Variants in PARP4 observed in about 807,000 individuals in gnomAD.
PARP4 encodes protein mono-ADP-ribosyltransferase PARP4.
Under a neutral mutation model 187.7 loss-of-function variants are expected in PARP4, and 120 were observed. The ratio of observed to expected loss-of-function variants is 0.64; its 90% CI spans 0.55 to 0.74. The LOEUF (loss-of-function observed/expected upper bound fraction) is 0.74. Ranked by LOEUF, PARP4 falls within the 30% of genes least tolerant of loss-of-function variation. The probability of loss-of-function intolerance (pLI) is 0.00; values close to 1 mark genes in which losing one functional copy is unlikely to be tolerated. For missense variants in PARP4, 1,836 were observed against 2,070.5 expected (o/e 0.89, Z 2.20); for synonymous variants, 654 against 740.9 (o/e 0.88, Z 1.90).
In PARP4 at chr13:24,474,833, G is replaced by C. The variant is rs898153843; in HGVS notation, c.1914+639C>G. Among the ~76,000 whole-genome samples, 5 of 151,964 alleles carry C rather than the reference G, an allele frequency of 3.3e-5. No homozygotes were observed. In the South Asian group the frequency reaches 8.3e-4, roughly 25 times the overall value. On this transcript the variant is annotated intron_variant, in intron 15 of 33. Coordinates refer to ENST00000381989, the MANE Select transcript of PARP4 (RefSeq NM_006437.4). Reference sequence around the variant, plus strand: ...CATCTAGAAGCTTCCATTTCACTCAGAGTCAAGGACAGCATGACCTGTGTA... The same window carrying C: ...CATCTAGAAGCTTCCATTTCACTCACAGTCAAGGACAGCATGACCTGTGTA...
chr13:24,456,384 A>G lies in PARP4; in HGVS notation c.2519T>C (p.Leu840Pro). Residue 840 changes from leucine (L) to proline (P), a missense_variant, in exon 21 of 34, where the codon CTC (leucine) becomes CCC (proline). Transcript: ENST00000381989. Reference protein sequence around the residue: ...SLHIGLSAAYLPRMWVEKHPE... With the variant: ...SLHIGLSAAYPPRMWVEKHPE... Reference sequence around the variant, plus strand: ...ATGTTTTTCAACCCACATTCTTGGGAGATAGGCAGCAGACAAACCGATGTG... The same window carrying G: ...ATGTTTTTCAACCCACATTCTTGGGGGATAGGCAGCAGACAAACCGATGTG... The G allele has an allele frequency of 1.9e-6, 3 of 1,612,150 alleles. No individual in the cohort carries two copies. Among genetic ancestry groups the G allele is most frequent in the Non-Finnish European group, 2.5e-6 (3 of 1,178,752 alleles).
At chr13:24,466,496 T>C (rs1872477591) in intron 17 of PARP4, among the ~76,000 whole-genome samples, 1 of 152,076 alleles carries the variant, frequency 6.6e-6, no homozygotes, top group African/African-American at 2.4e-5. Flanking sequence ...TCAAAACTTT[T>C]TAAGAGAGAG....
At chr13:24,475,651 T>C in intron 14 of PARP4, 55 bp from the exon 15 acceptor site, 1 of 1,557,662 alleles carries the variant, frequency 6.4e-7, no homozygotes, top group East Asian at 2.3e-5. Flanking sequence ...TCTATTTTTG[T>C]TATCTTGATC....
In PARP4 at chr13:24,459,343, G is replaced by A. The variant is rs370737081; in HGVS notation, c.2299-33C>T. On this transcript the variant is annotated intron_variant, in intron 18 of 33. Coordinates refer to ENST00000381989, the MANE Select transcript of PARP4 (RefSeq NM_006437.4). ...AAGAAAAATACATTTGTATAACTAA[G>A]CATATATTAAGTTTCACAATGAGAC... is the stretch of plus-strand genomic sequence containing the variant. 7 of 1,490,534 alleles carry A rather than the reference G, an allele frequency of 4.7e-6. No individual in the cohort carries two copies. The African/African-American group carries it at 7.1e-5, about 15-fold the overall frequency. 92.3% of individuals were successfully genotyped at this position (1,490,534 alleles called of 1,614,324 possible).
rs538079710 is a variant in PARP4 at position 24,435,858 on chromosome 13, A to G, written c.3667-384T>C. Among the ~76,000 whole-genome samples, 93 of 150,478 alleles carry G rather than the reference A, an allele frequency of 6.2e-4. 1 individual carries two copies. Among genetic ancestry groups the G allele is most frequent in the African/African-American group, 2.2e-3 (91 of 41,100 alleles). On this transcript the variant is annotated intron_variant, in intron 30 of 33. Coordinates refer to ENST00000381989, the MANE Select transcript of PARP4 (RefSeq NM_006437.4). ...TTGAGCCTGAGAGGCTGAGGCAGCT[A>G]TGAGAACAGATTTGCACTACTGCTC... is the stretch of plus-strand genomic sequence containing the variant.
At chr13:24,451,318 G>T (rs1411647345) in intron 24 of PARP4, among the ~76,000 whole-genome samples, 1 of 152,212 alleles carries the variant, frequency 6.6e-6, no homozygotes, top group South Asian at 2.1e-4. Flanking sequence ...AGCTGCTCAG[G>T]CTGGATATAT....
At chr13:24,471,913 A>G (rs59587669) in intron 15 of PARP4, among the ~76,000 whole-genome samples, 1,644 of 152,304 alleles carry the variant, frequency 0.011, 39 homozygotes, top group African/African-American at 0.036. Flanking sequence ...TCCATTTTAC[A>G]CATGAGGAAA....
At chr13:24,450,949 C>T (rs1189316284) in intron 24 of PARP4, among the ~76,000 whole-genome samples, 1 of 152,128 alleles carries the variant, frequency 6.6e-6, no homozygotes, top group Non-Finnish European at 1.5e-5. Flanking sequence ...GACCATGGCT[C>T]ACTACAGCCT....
In PARP4 at chr13:24,452,439, C is replaced by A. The variant is rs748738461; in HGVS notation, c.2981G>T (p.Arg994Leu). The change falls in exon 24 of 34, where the codon CGC becomes CTC. Residue 994 changes from arginine (R) to leucine (L), a missense_variant. By Grantham distance (102) the Arg-to-Leu change is moderately radical (BLOSUM62 -2). This residue lies in a region of PARP4 where 1,147 missense variants were observed against 1,214.2 expected (regional missense o/e 0.94). Coordinates refer to ENST00000381989, the MANE Select transcript of PARP4 (RefSeq NM_006437.4). ...SLTLQLVKRS[R>L]PHTRLFACGI... ...GCAGGCGAATAACCTGGTGTGCGGG[C>A]GGCTCCTCTTCACGAGCTGTAATGT... 3 of 1,613,746 alleles carry A rather than the reference C, an allele frequency of 1.9e-6. No homozygotes were observed. Among genetic ancestry groups the A allele is most frequent in the Middle Eastern group, 1.7e-4 (1 of 5,908 alleles).
chr13:24,437,885 C>T (rs9511262), intron 30 of PARP4, among the ~76,000 whole-genome samples: 54,028 of 142,616 alleles, frequency 0.38, 10,816 homozygotes, highest in African/African-American at 0.44. Context: ...AAATACGGGT[C>T]ATTTTTGTTT....
chr13:24,459,362 A>G (rs373550839), intron 18 of PARP4, 52 bp from the exon 19 acceptor site: 13 of 1,447,292 alleles, frequency 9.0e-6, no homozygotes, highest in Non-Finnish European at 1.1e-5. Flanking sequence ...AAGTTTCACA[A>G]TGAGACTAAA....
chr13:24,467,439 CTTGT>C (rs891609194), intron 17 of PARP4, among the ~76,000 whole-genome samples: 4 of 152,204 alleles, frequency 2.6e-5, no homozygotes, highest in Admixed American at 2.6e-4. Flanking sequence ...TAAGCTAAGA[CTTGT>C]TTGTTTGTTT....
chr13:24,441,579 C>A (rs1336620269), intron 30 of PARP4, among the ~76,000 whole-genome samples: 1 of 152,234 alleles, frequency 6.6e-6, no homozygotes, highest in Non-Finnish European at 1.5e-5. Flanking sequence ...ACTTTAGCTT[C>A]CTGGATGACA....
intron 5 of PARP4, 82 bp from the exon 6 acceptor site, chr13:24,498,311 T>A: frequency 3.9e-6 from 3 of 766,398 alleles, no homozygotes; most frequent in Non-Finnish European, 6.6e-6. Context: ...TGATTATAAT[T>A]ATAAAATATG....
intron 1 of PARP4, among the ~76,000 whole-genome samples, chr13:24,506,135 G>A (rs539054903): frequency 1.3e-5 from 2 of 152,004 alleles, no homozygotes; most frequent in Non-Finnish European, 2.9e-5. Flanking sequence ...AAGGCGGCGC[G>A]TCCGAAGTTT....
intron 25 of PARP4, among the ~76,000 whole-genome samples, chr13:24,448,334 G>T (rs1409681611): frequency 6.6e-6 from 1 of 152,108 alleles, no homozygotes; most frequent in Non-Finnish European, 1.5e-5. Context: ...CTTGGGCTCA[G>T]AAAGTTGAGG....
intron 25 of PARP4, among the ~76,000 whole-genome samples, chr13:24,448,456 G>GAA (rs35479674): frequency 0.82 from 122,289 of 148,502 alleles, 52,738 homozygotes; most frequent in East Asian, 0.98. Context: ...AATCAATAAG[G>GAA]AAAAAAAAAA....
intron 1 of PARP4, among the ~76,000 whole-genome samples, chr13:24,511,879 A>T (rs1335405436): frequency 2.0e-5 from 3 of 152,216 alleles, no homozygotes; most frequent in African/African-American, 4.8e-5. Flanking sequence ...GGGTTTATTA[A>T]ACCCTTAAAC....
rs541218695 is a variant in PARP4, at chr13:24,475,686, G to A, written c.1790-90C>T. The stretch of plus-strand genomic sequence containing the variant: ...CTTTATTCCTTCTTCAAGCCTTCAT[G>A]CATTTTATTTTAGGGAAAATGGGCA... On this transcript the variant is annotated intron_variant, in intron 14 of 33. Transcript: ENST00000381989. The A allele has an allele frequency of 1.3e-5, 17 of 1,274,216 alleles. No individual in the cohort carries two copies. In the African/African-American group the frequency reaches 2.4e-4, roughly 18 times the overall value. 78.9% of individuals were successfully genotyped at this position (1,274,216 alleles called of 1,614,324 possible).
Sources: allele counts gnomAD v4.1 joint callset (sites outside exome capture counted in the v4.1 genomes callset), GRCh38; gene constraint gnomAD v4.1.1; regional missense constraint gnomAD v4.1.1; transcripts MANE v1.5; gene names NCBI Gene and HGNC (gene_info 2026-07-23, HGNC 2026-07-21).